The following ZNF556 variants were observed in gnomAD, a reference collection of about 807,000 sequenced individuals.
The protein encoded by ZNF556 is zinc finger protein 556.
ZNF556 carries 11 observed loss-of-function variants against 13.6 expected under a neutral mutation model. The ratio of observed to expected loss-of-function variants is 0.81; its 90% CI spans 0.51 to 1.33. The LOEUF is 1.33. Ranked by LOEUF, ZNF556 falls within the 40% of genes most tolerant of loss-of-function variation. ZNF556 has a pLI of 0.00. For missense variants in ZNF556, 633 were observed against 566.2 expected, an observed-to-expected ratio of 1.12 and a Z score of -1.20; for synonymous variants, 229 against 207.8, an observed-to-expected ratio of 1.10 and a Z score of -0.88.
chr19:2,882,611 G>A lies in ZNF556; in HGVS notation c.*4282G>A, dbSNP rs1005208649. ...TGCTCTGTTGCCAGGCTGGAGTGCA[G>A]TGGTGCGATCTCAGCTCACTGCAAC... On this transcript the variant is annotated 3_prime_UTR_variant, in exon 4 of 4. Transcript: ENST00000307635. 2 of 151,750 alleles carry A rather than the reference G, an allele frequency of 1.3e-5. No homozygotes were observed. The highest frequency in any genetic ancestry group is 4.9e-5 in the African/African-American group (2 of 40,994). 9.4% of individuals were successfully genotyped at this position (151,750 alleles called of 1,614,324 possible).
intron 1 of ZNF556, among the ~76,000 whole-genome samples, chr19:2,871,390 C>T (rs375747080): frequency 8.5e-5 from 13 of 152,214 alleles, no homozygotes; most frequent in Middle Eastern, 3.4e-3. Context: ...TGATTGCCTG[C>T]GGCTGAGGGA....
At chr19:2,876,504 G>A (rs915079455) in intron 3 of ZNF556, among the ~76,000 whole-genome samples, 3 of 152,170 alleles carry the variant, frequency 2.0e-5, no homozygotes, top group Non-Finnish European at 4.4e-5. Flanking sequence ...CGGATCACCT[G>A]GGGTGAGGAG....
chr19:2,873,451 T>G, intron 1 of ZNF556, 45 bp from the exon 2 acceptor site: 1 of 1,606,354 alleles, frequency 6.2e-7, no homozygotes, highest in Non-Finnish European at 8.5e-7. Context: ...CGCAGTGCTG[T>G]GAGTTTTACC....
At position 2,878,358 on chromosome 19, in the gene ZNF556, C is replaced by A; in HGVS notation, c.*29C>A. 6.3e-7 allele frequency: 1 copy of A among 1,596,546 alleles called. No homozygotes were observed. The highest frequency in any genetic ancestry group is 8.5e-7 in the Non-Finnish European group (1 of 1,170,936). ...GGGAAAACCTGTGCAAATTAATTCA[C>A]ATACATGGTTCAGAAAATTCACAGC... On this transcript the variant is annotated 3_prime_UTR_variant, in exon 4 of 4. Coordinates refer to ENST00000307635, the MANE Select transcript of ZNF556 (RefSeq NM_024967.3).
chr19:2,871,887 C>G (rs1459183450), intron 1 of ZNF556, among the ~76,000 whole-genome samples: 15 of 152,120 alleles, frequency 9.9e-5, no homozygotes, highest in Admixed American at 9.8e-4. Context: ...GGAGTGTGAG[C>G]CATCTCCAAT....
intron 1 of ZNF556, among the ~76,000 whole-genome samples, chr19:2,869,688 C>T (rs2144880880): frequency 6.6e-6 from 1 of 152,298 alleles, no homozygotes; most frequent in East Asian, 1.9e-4. Flanking sequence ...TTATGCTGCT[C>T]TTGCACAGGA....
chr19:2,872,864 G>A (rs2144885822), intron 1 of ZNF556, among the ~76,000 whole-genome samples: 1 of 151,642 alleles, frequency 6.6e-6, no homozygotes, highest in South Asian at 2.1e-4. Context: ...CGGGTGTGGT[G>A]GCTCACGCCT....
In ZNF556 at chr19:2,878,569, A is replaced by G. The variant is rs2087881433; in HGVS notation, c.*240A>G. ...CGGGCACCTGTAGTCCCAGCTGCTCAGGAGGCTGAGGCAGGAGAACGGCGT... is the reference window on the plus strand; with the variant it reads ...CGGGCACCTGTAGTCCCAGCTGCTCGGGAGGCTGAGGCAGGAGAACGGCGT... On this transcript the variant is annotated 3_prime_UTR_variant, in exon 4 of 4. Coordinates refer to ENST00000307635, the MANE Select transcript of ZNF556 (RefSeq NM_024967.3). 2 of 345,944 alleles carry G rather than the reference A, an allele frequency of 5.8e-6. No individual in the cohort carries two copies. The highest frequency in any genetic ancestry group is 6.0e-5 in the South Asian group (2 of 33,092). 21.4% of individuals were successfully genotyped at this position (345,944 alleles called of 1,614,324 possible).
At chr19:2,874,094 T>TA (rs2087828949) in intron 2 of ZNF556, among the ~76,000 whole-genome samples, 1 of 151,108 alleles carries the variant, frequency 6.6e-6, no homozygotes, top group East Asian at 2.0e-4. Flanking sequence ...CCATCTCTAC[T>TA]AAAATACAAA....
intron 2 of ZNF556, among the ~76,000 whole-genome samples, chr19:2,874,647 G>A (rs188730172): frequency 6.6e-6 from 1 of 151,042 alleles, no homozygotes; most frequent in African/African-American, 2.4e-5. Flanking sequence ...GGGAGGCTGA[G>A]GCAGCAGAAT....
At chr19:2,870,342 C>T (rs986756520) in intron 1 of ZNF556, among the ~76,000 whole-genome samples, 1 of 152,062 alleles carries the variant, frequency 6.6e-6, no homozygotes, top group African/African-American at 2.4e-5. Flanking sequence ...CCTGTAATCC[C>T]AGTTAGTTGG....
intron 1 of ZNF556, 79 bp downstream of exon 1, chr19:2,867,503 T>TC (rs1301312924): frequency 6.4e-7 from 1 of 1,553,204 alleles, no homozygotes; most frequent in East Asian, 2.4e-5. Flanking sequence ...ACGCTGAAAC[T>TC]CCCGGGGGAG....
intron 2 of ZNF556, among the ~76,000 whole-genome samples, chr19:2,874,721 G>C (rs2144888469): frequency 7.3e-6 from 1 of 136,872 alleles, no homozygotes; most frequent in East Asian, 2.2e-4. Flanking sequence ...TCCAGCCTGG[G>C]TGACAGAGTA....
At chr19:2,872,041 C>T (rs1291539635) in intron 1 of ZNF556, among the ~76,000 whole-genome samples, 1 of 152,160 alleles carries the variant, frequency 6.6e-6, no homozygotes, top group African/African-American at 2.4e-5. Flanking sequence ...AGTACTTTCA[C>T]TAATTTGCTA....
chr19:2,881,274 G>C lies in ZNF556; in HGVS notation c.*2945G>C, dbSNP rs960186793. Reference sequence around the variant, plus strand: ...CATAAAAAGATAACTAATAAAACAAGTTTAAACTTTATTGGAGCCCAGTAG... The same window carrying C: ...CATAAAAAGATAACTAATAAAACAACTTTAAACTTTATTGGAGCCCAGTAG... On this transcript the variant is annotated 3_prime_UTR_variant, in exon 4 of 4. Coordinates refer to ENST00000307635, the MANE Select transcript of ZNF556 (RefSeq NM_024967.3). The C allele has an allele frequency of 6.6e-6, 1 of 152,130 alleles. No individual in the cohort carries two copies. The highest frequency in any genetic ancestry group is 1.5e-5 in the Non-Finnish European group (1 of 68,022). 9.4% of individuals were successfully genotyped at this position (152,130 alleles called of 1,614,324 possible).
chr19:2,871,094 A>G (rs2087799358), intron 1 of ZNF556, among the ~76,000 whole-genome samples: 2 of 147,618 alleles, frequency 1.4e-5, no homozygotes, highest in African/African-American at 5.0e-5. Flanking sequence ...ATATGAAAAC[A>G]CAGAGGTTGC....
rs1409618858 is a variant in ZNF556, at chr19:2,877,603, C to T, written c.645C>T (p.Ser215=). The T allele has an allele frequency of 6.2e-7, 1 of 1,614,142 alleles. No individual in the cohort carries two copies. The highest frequency in any genetic ancestry group is 1.7e-5 in the Admixed American group (1 of 60,008). The change falls in exon 4 of 4, where the codon TCC becomes TCT. Residue 215 remains serine (S), a synonymous_variant. Transcript: ENST00000307635. ...CTTGCGGGAAGACATTTCTTCGTTC[C>T]CACTCTCTCACTGAACATGTAAGGA... is the stretch of plus-strand genomic sequence containing the variant. The part of the protein sequence containing the change: ...CQSCGKTFLR[S]HSLTEHVRTH...
rs1167020906 is a variant in ZNF556 at position 2,883,115 on chromosome 19, T to A, written c.*4786T>A. 1 of 152,174 alleles carries A rather than the reference T, an allele frequency of 6.6e-6. No homozygotes were observed. The highest frequency in any genetic ancestry group is 1.9e-4 in the East Asian group (1 of 5,196). The allele number at this position is 152,174 out of a possible 1,614,324, so 9.4% of individuals were successfully genotyped here. A position where few individuals can be genotyped will look rare whatever the true frequency, so the allele number is the denominator to read the frequency against. ...AGCCCGTTGCGAGTGTTTTCCCATG[T>A]GCACAGTGATATCTAGGCAAGTGTG... On this transcript the variant is annotated 3_prime_UTR_variant, in exon 4 of 4. Transcript: ENST00000307635.
chr19:2,873,356 G>A (rs980257729), intron 1 of ZNF556, 140 bp from the exon 2 acceptor site: 1 of 949,924 alleles, frequency 1.1e-6, no homozygotes, highest in Non-Finnish European at 1.6e-6. Flanking sequence ...CAGACAGAGG[G>A]GAAGAGGTCT....
Sources: allele counts gnomAD v4.1 joint callset (sites outside exome capture counted in the v4.1 genomes callset), GRCh38; gene constraint gnomAD v4.1.1; transcripts MANE v1.5; gene names NCBI Gene and HGNC (gene_info 2026-07-23, HGNC 2026-07-21).